C12orf42: variants seen among roughly 807,000 people sequenced by gnomAD.
The protein encoded by C12orf42 is chromosome 12 open reading frame 42, also known as uncharacterized protein C12orf42.
In C12orf42, 25 loss-of-function variants were observed where a neutral mutation model predicts 21.6. That is an observed-to-expected ratio of 1.16 (90% CI 0.84 to 1.62). The LOEUF (loss-of-function observed/expected upper bound fraction) is 1.62. C12orf42 is among the 40% of genes most tolerant of loss of function. The pLI is 0.00. For synonymous variants in C12orf42, 174 were observed against 175.0 expected (o/e 0.99, Z 0.05); for missense variants, 483 against 459.3 (o/e 1.05, Z -0.47).
chr12:103,168,158 A>C, the C12orf42 span: 1 of 448,082 alleles, frequency 2.2e-6, no homozygotes, highest in South Asian at 1.6e-5. Context: ...AGGGCATATC[A>C]TCTAAAGAAG....
intron 2 of C12orf42, among the ~76,000 whole-genome samples, chr12:103,436,596 G>C (rs931258279): frequency 6.7e-6 from 1 of 148,306 alleles, no homozygotes; most frequent in Non-Finnish European, 1.5e-5. Context: ...GGCAGGGGTT[G>C]CAATCCTAGT....
At chr12:103,520,772 G>A in the C12orf42 span, among the ~76,000 whole-genome samples, 1 of 152,214 alleles carries the variant, frequency 6.6e-6, no homozygotes. Flanking sequence ...AAATGGAACT[G>A]TGAAGACTTC....
the C12orf42 span, among the ~76,000 whole-genome samples, chr12:103,227,654 G>A: frequency 3.9e-5 from 6 of 152,188 alleles, no homozygotes; most frequent in South Asian, 2.1e-4. Context: ...CCAGAAAAGC[G>A]GGACTTGCCG....
chr12:103,197,777 G>A, the C12orf42 span, among the ~76,000 whole-genome samples: 2 of 152,056 alleles, frequency 1.3e-5, no homozygotes, highest in Non-Finnish European at 1.5e-5. Flanking sequence ...TTTGGTTTTT[G>A]TATGAGTTGG....
chr12:103,138,608 T>C, the C12orf42 span, among the ~76,000 whole-genome samples: 1 of 152,184 alleles, frequency 6.6e-6, no homozygotes, highest in Non-Finnish European at 1.5e-5. Flanking sequence ...TAATACACTA[T>C]ATAATCCCTG....
chr12:103,170,142 G>A, the C12orf42 span, among the ~76,000 whole-genome samples: 5 of 152,194 alleles, frequency 3.3e-5, no homozygotes, highest in African/African-American at 1.2e-4. Flanking sequence ...CTCCTTTGCT[G>A]GGTACTTTTC....
chr12:103,286,332 AC>A (rs1424742304), intron 4 of C12orf42, among the ~76,000 whole-genome samples: 1 of 151,628 alleles, frequency 6.6e-6, no homozygotes, highest in Non-Finnish European at 1.5e-5. Flanking sequence ...GAGTATTTTC[AC>A]ATGAAGAGGT....
intron 10 of C12orf42, among the ~76,000 whole-genome samples, chr12:103,241,452 C>A (rs2033740680): frequency 6.6e-6 from 1 of 152,090 alleles, no homozygotes; most frequent in Admixed American, 6.6e-5. Flanking sequence ...TCTCCATGGG[C>A]AATTTGAAAA....
At chr12:103,375,306 C>T (rs2138058708) in intron 3 of C12orf42, among the ~76,000 whole-genome samples, 1 of 152,248 alleles carries the variant, frequency 6.6e-6, no homozygotes, top group Non-Finnish European at 1.5e-5. Flanking sequence ...CTGTAAGAAT[C>T]TTCAGCTCTA....
chr12:103,548,493 A>G, the C12orf42 span, among the ~76,000 whole-genome samples: 1 of 152,244 alleles, frequency 6.6e-6, no homozygotes, highest in East Asian at 1.9e-4. Flanking sequence ...ATAGAGCTCA[A>G]AAAGGTAAAA....
At chr12:103,056,349 T>G in the C12orf42 span, among the ~76,000 whole-genome samples, 1 of 152,120 alleles carries the variant, frequency 6.6e-6, no homozygotes, top group Admixed American at 6.6e-5. Flanking sequence ...TCCCTAGAGG[T>G]GCCATTTCTC....
chr12:103,177,561 T>C, the C12orf42 span, among the ~76,000 whole-genome samples: 1 of 152,154 alleles, frequency 6.6e-6, no homozygotes, highest in African/African-American at 2.4e-5. Flanking sequence ...AAAGAAATCA[T>C]TGTGAAAGCA....
chr12:103,438,343 G>A lies in C12orf42; in HGVS notation c.79-36668C>T, dbSNP rs1424640244. 8.5e-5 allele frequency among the ~76,000 whole-genome samples: 13 copies of A among 152,226 alleles called. No individual in the cohort carries two copies. In the East Asian group the frequency reaches 2.5e-3, roughly 29 times the overall value. On this transcript the variant is annotated intron_variant, in intron 2 of 5. Transcript: ENST00000548883. ...CTGGAAGCATTCCCTTTGAAAACTG[G>A]CACAAAACAGGGATGCCCTCTCTCA...
chr12:103,306,149 C>T lies in C12orf42; in HGVS notation c.456G>A (p.Glu152=). ...LIFTARGETE[E]RARGAPKQAW... ...CCTGCTTGGGTGCTCCTCTGGCTCTCTCCTCAGTTTCTCCTCTGGCAGTAA... is the reference window on the plus strand; with the variant it reads ...CCTGCTTGGGTGCTCCTCTGGCTCTTTCCTCAGTTTCTCCTCTGGCAGTAA... Residue 152 remains glutamate, a synonymous_variant, in exon 5 of 6, where the codon GAG becomes GAA. Transcript: ENST00000548883. 2 of 1,613,926 alleles carry T rather than the reference C, an allele frequency of 1.2e-6. No homozygotes were observed. Among genetic ancestry groups the T allele is most frequent in the Non-Finnish European group, 1.7e-6 (2 of 1,179,874 alleles).
the C12orf42 span, among the ~76,000 whole-genome samples, chr12:103,185,240 G>T: frequency 6.6e-6 from 1 of 152,142 alleles, no homozygotes; most frequent in African/African-American, 2.4e-5. Flanking sequence ...CCTAGATAAA[G>T]TGTTAAATTC....
At chr12:103,523,622 T>C in the C12orf42 span, among the ~76,000 whole-genome samples, 1 of 151,072 alleles carries the variant, frequency 6.6e-6, no homozygotes, top group African/African-American at 2.4e-5. Context: ...ATATACTCTA[T>C]ATATGTATAT....
At chr12:103,277,011 A>T (rs1273133566) in intron 5 of C12orf42, 1 of 375,266 alleles carries the variant, frequency 2.7e-6, no homozygotes, top group Non-Finnish European at 5.1e-6. Flanking sequence ...TTACAATTAG[A>T]TAGTATAATT....
chr12:103,076,511 C>T, the C12orf42 span, among the ~76,000 whole-genome samples: 1 of 152,060 alleles, frequency 6.6e-6, no homozygotes, highest in African/African-American at 2.4e-5. Flanking sequence ...CAGATTCATA[C>T]TAGAACTGGT....
At chr12:103,060,154 T>G in the C12orf42 span, among the ~76,000 whole-genome samples, 1 of 152,128 alleles carries the variant, frequency 6.6e-6, no homozygotes, top group Non-Finnish European at 1.5e-5. Flanking sequence ...AAAATCAATG[T>G]GCAAAAATCA....
Sources: allele counts gnomAD v4.1 joint callset (sites outside exome capture counted in the v4.1 genomes callset), GRCh38; gene constraint gnomAD v4.1.1; transcripts MANE v1.5; gene names NCBI Gene and HGNC (gene_info 2026-07-23, HGNC 2026-07-21).